The following EPS15 variants were observed in gnomAD, a reference collection of about 807,000 sequenced individuals.
EPS15 encodes the protein epidermal growth factor receptor pathway substrate 15, also known as epidermal growth factor receptor substrate 15.
A neutral mutation model predicts 113.8 loss-of-function variants in EPS15; 72 were observed. The observed-to-expected ratio is 0.63, with a 90% CI of 0.52 to 0.77. The LOEUF is 0.77. EPS15 is among the 30% of genes least tolerant of loss of function. The pLI, the probability that EPS15 is intolerant of heterozygous loss-of-function variation, is 0.00. For missense variants in EPS15, 1,048 were observed against 1,045.8 expected (o/e 1.00, Z -0.03); for synonymous variants, 344 against 363.4 (o/e 0.95, Z 0.61).
In EPS15 at chr1:51,423,125, T is replaced by C. The variant is rs1003649235; in HGVS notation, c.1041-1267A>G. On this transcript the variant is annotated intron_variant, in intron 12 of 24. Transcript: ENST00000371733. ...ATACGTAGGCACAATGTTCTTAAGA[T>C]GTCTATGGAAGAAAGCATACAAATA... is the stretch of plus-strand genomic sequence containing the variant. 22 of 1,045,020 alleles carry C rather than the reference T, an allele frequency of 2.1e-5. No homozygotes were observed. In the African/African-American group the frequency reaches 3.5e-4, roughly 16 times the overall value. The allele number at this position is 1,045,020 out of a possible 1,614,324, so 64.7% of individuals were successfully genotyped here.
At chr1:51,392,778 C>T (rs72694173) in intron 21 of EPS15, among the ~76,000 whole-genome samples, 4,591 of 152,294 alleles carry the variant, frequency 0.03, 76 homozygotes, top group African/African-American at 0.05. Context: ...TTATCCTTAA[C>T]GTGATCTCCC....
Position 51,447,020 on chromosome 1 carries a change from A to G in EPS15, c.737T>C (p.Leu246Ser). ...TTTCAAGAATATTTCACGGACCTCC[A>G]ATCCAGACACAAATCCGTCCATATC... is the stretch of plus-strand genomic sequence containing the variant. ...DKDMDGFVSG[L>S]EVREIFLKTG... Residue 246 changes from leucine to serine, a missense_variant, in exon 10 of 25, where the codon TTG (leucine) becomes TCG (serine). Coordinates refer to ENST00000371733, the MANE Select transcript of EPS15 (RefSeq NM_001981.3). 2 of 1,613,736 alleles carry G rather than the reference A, an allele frequency of 1.2e-6. No homozygotes were observed. Among genetic ancestry groups the G allele is most frequent in the Non-Finnish European group, 1.7e-6 (2 of 1,179,666 alleles).
At chr1:51,469,307 T>C (rs965256934) in intron 4 of EPS15, among the ~76,000 whole-genome samples, 2 of 152,148 alleles carry the variant, frequency 1.3e-5, no homozygotes, top group Non-Finnish European at 2.9e-5. Flanking sequence ...GGAACAGTAA[T>C]TCAAATGACT....
At chr1:51,363,756 A>G in intron 23 of EPS15, 110 bp downstream of exon 23, 2 of 930,626 alleles carry the variant, frequency 2.1e-6, no homozygotes, top group Non-Finnish European at 3.1e-6. Context: ...CTTCTGACAT[A>G]TGTTTGACTT....
In EPS15 at chr1:51,439,375, A is replaced by T. The variant is rs143789932; in HGVS notation, c.1040+972T>A. Among the ~76,000 whole-genome samples the T allele has an allele frequency of 4.5e-4, 69 of 152,206 alleles. No individual in the cohort carries two copies. In the East Asian group the frequency reaches 0.01, roughly 22 times the overall value. On this transcript the variant is annotated intron_variant, in intron 12 of 24. Transcript: ENST00000371733. ...CAGATAAGGTTAAGATCATTGCCAA[A>T]TTATTGCCATATAAGGCAGTTAACT...
intron 1 of EPS15, among the ~76,000 whole-genome samples, chr1:51,511,369 G>A (rs757932126): frequency 8.6e-5 from 13 of 151,362 alleles, no homozygotes; most frequent in East Asian, 5.9e-4. Flanking sequence ...GGTGATGCAC[G>A]CCTGTAATCC....
chr1:51,367,714 C>T (rs1646538710), intron 21 of EPS15, among the ~76,000 whole-genome samples: 1 of 152,074 alleles, frequency 6.6e-6, no homozygotes. Flanking sequence ...CTACCAATAA[C>T]GTCAAAGAAT....
At chr1:51,515,725 G>A (rs974331083) in intron 1 of EPS15, among the ~76,000 whole-genome samples, 1 of 151,908 alleles carries the variant, frequency 6.6e-6, no homozygotes, top group South Asian at 2.1e-4. Flanking sequence ...GGCATATGCC[G>A]AAAAAAAAGA....
At chr1:51,455,329 C>T (rs765840682) in intron 8 of EPS15, among the ~76,000 whole-genome samples, 2 of 152,180 alleles carry the variant, frequency 1.3e-5, no homozygotes, top group Non-Finnish European at 2.9e-5. Context: ...GTGACTCACA[C>T]CTGTAATCCC....
Position 51,378,203 on chromosome 1 carries a change from AT to A in EPS15, c.2120-12175del, listed in dbSNP as rs59739270. Among the ~76,000 whole-genome samples, 814 of 146,714 alleles carry A rather than the reference AT, an allele frequency of 5.5e-3. 5 individuals carry two copies. The highest frequency in any genetic ancestry group is 6.5e-3 in the Non-Finnish European group (432 of 66,406). On this transcript the variant is annotated intron_variant, in intron 21 of 24. Transcript: ENST00000371733. ...TGAGCCACTGTGCCCGATCATTAGC[AT>A]TTTTTTTTTTTAAAGCAATGAAGCA...
At chr1:51,362,388 A>G (rs1646407112) in intron 23 of EPS15, among the ~76,000 whole-genome samples, 1 of 152,226 alleles carries the variant, frequency 6.6e-6, no homozygotes, top group Admixed American at 6.5e-5. Flanking sequence ...CCAACAAACC[A>G]GTCTTTTCCT....
chr1:51,448,051 T>C lies in EPS15; in HGVS notation c.646A>G (p.Lys216Glu), dbSNP rs749629617. The C allele has an allele frequency of 1.2e-6, 2 of 1,613,758 alleles. No individual in the cohort carries two copies. The highest frequency in any genetic ancestry group is 1.7e-6 in the Non-Finnish European group (2 of 1,179,714). ...PPALVPPSKR[K>E]TWVVSPAEKA... Reference sequence around the variant, plus strand: ...ACAGAGCCTGATATACTGACCGTTTTTCTCTTAGATGGTGGCACCAAGGCT... The same window carrying C: ...ACAGAGCCTGATATACTGACCGTTTCTCTCTTAGATGGTGGCACCAAGGCT... Residue 216 changes from lysine (K) to glutamate (E), a missense_variant, in exon 9 of 25, where the codon AAA (lysine) becomes GAA (glutamate). Lys to Glu is a moderately conservative substitution (Grantham distance 56, BLOSUM62 1). Coordinates refer to ENST00000371733, the MANE Select transcript of EPS15 (RefSeq NM_001981.3).
chr1:51,445,099 C>A, intron 10 of EPS15, 54 bp from the exon 11 acceptor site: 2 of 1,521,660 alleles, frequency 1.3e-6, no homozygotes, highest in South Asian at 1.2e-5. Context: ...GCAAAAAGTC[C>A]AGAGAAAAAG....
chr1:51,486,247 G>A (rs910597608), intron 1 of EPS15, among the ~76,000 whole-genome samples: 3 of 149,554 alleles, frequency 2.0e-5, no homozygotes, highest in Non-Finnish European at 3.0e-5. Context: ...GCAACACCTC[G>A]TCTCTACTAA....
intron 21 of EPS15, among the ~76,000 whole-genome samples, chr1:51,371,089 TG>T (rs1231814702): frequency 6.6e-6 from 1 of 151,982 alleles, no homozygotes; most frequent in Non-Finnish European, 1.5e-5. Flanking sequence ...TAATTTTTTT[TG>T]TATTTTTTAG....
chr1:51,465,160 T>C, intron 6 of EPS15, 101 bp downstream of exon 6: 2 of 662,544 alleles, frequency 3.0e-6, no homozygotes, highest in South Asian at 4.9e-5. Flanking sequence ...TCCCTAAACA[T>C]GTATGAAAGT....
At chr1:51,405,540 T>C (rs1247455146) in intron 16 of EPS15, among the ~76,000 whole-genome samples, 1 of 151,802 alleles carries the variant, frequency 6.6e-6, no homozygotes, top group Non-Finnish European at 1.5e-5. Flanking sequence ...CTACTAAAAA[T>C]ACAAAAAATT....
chr1:51,467,957 TTA>T (rs112666924), intron 5 of EPS15, among the ~76,000 whole-genome samples: 2 of 151,522 alleles, frequency 1.3e-5, no homozygotes, highest in Non-Finnish European at 1.5e-5. Context: ...AAATAAGTAT[TTA>T]TATATATATA....
intron 8 of EPS15, among the ~76,000 whole-genome samples, chr1:51,450,740 G>T (rs1653478545): frequency 6.6e-6 from 1 of 151,766 alleles, no homozygotes; most frequent in Admixed American, 6.6e-5. Flanking sequence ...CTATCCATAT[G>T]AAATGCTGTA....
Sources: gnomAD v4.1 joint callset for allele counts (sites outside exome capture counted in the v4.1 genomes callset) on GRCh38, gnomAD v4.1.1 for gene constraint, MANE v1.5 for transcripts, NCBI Gene and HGNC (gene_info 2026-07-23, HGNC 2026-07-21) for gene names.